Variants in PITPNM1 observed in about 807,000 individuals in gnomAD.
The protein encoded by PITPNM1 is membrane-associated phosphatidylinositol transfer protein 1.
Under a neutral mutation model 133.3 loss-of-function variants are expected in PITPNM1, and 74 were observed. The ratio of observed to expected loss-of-function variants is 0.56; its 90% CI spans 0.46 to 0.67. The LOEUF is 0.67. PITPNM1 is among the 30% of genes least tolerant of loss of function. The pLI is 0.00. For missense variants in PITPNM1, 1,398 were observed against 1,739.5 expected, an observed-to-expected ratio of 0.80 and a Z score of 3.49; for synonymous variants, 738 against 741.4, an observed-to-expected ratio of 1.00 and a Z score of 0.08.
At position 67,505,199 on chromosome 11, in the gene PITPNM1, G is replaced by A. The variant is rs1290696614; in HGVS notation, c.-53C>T. ...ACGCCCCGGCTCACCTCTAGCTTGA[G>A]GCGGGCGCCCCTCACCCAGCCCGGG... is the stretch of plus-strand genomic sequence containing the variant. On this transcript the variant is annotated 5_prime_UTR_variant, in exon 1 of 24. Transcript: ENST00000356404. The surrounding 1 kb of genome is among the most constrained non-coding windows in gnomAD (Gnocchi z 5.8). The A allele has an allele frequency of 6.6e-6, 1 of 152,148 alleles. No homozygotes were observed. Among genetic ancestry groups the A allele is most frequent in the Non-Finnish European group, 1.5e-5 (1 of 68,046 alleles). 9.4% of individuals were successfully genotyped at this position (152,148 alleles called of 1,614,324 possible).
intron 2 of PITPNM1, chr11:67,503,808 G>A (rs962597279): frequency 1.3e-5 from 4 of 313,910 alleles, no homozygotes; most frequent in South Asian, 6.0e-5. Flanking sequence ...TTCCTCTGCC[G>A]CGGAGGCCCC....
intron 14 of PITPNM1, 44 bp downstream of exon 14, chr11:67,497,187 G>C: frequency 2.0e-6 from 3 of 1,493,062 alleles, no homozygotes; most frequent in Non-Finnish European, 2.7e-6. Context: ...GGAAGGAAGG[G>C]GCAGACAGAG....
rs1225698626 is a variant in PITPNM1, at chr11:67,491,900, A to G, written c.*133T>C. ...AAAGGGAAGTAACACCGAGGAGCACACGGAGATATAGGGTGTGGGGCTGGG... is the reference window on the plus strand; with the variant it reads ...AAAGGGAAGTAACACCGAGGAGCACGCGGAGATATAGGGTGTGGGGCTGGG... On this transcript the variant is annotated 3_prime_UTR_variant, in exon 24 of 24. Coordinates refer to ENST00000356404, the MANE Select transcript of PITPNM1 (RefSeq NM_004910.3). 3.1e-6 allele frequency: 3 copies of G among 976,776 alleles called. No homozygotes were observed. Among genetic ancestry groups the G allele is most frequent in the Non-Finnish European group, 4.5e-6 (3 of 669,898 alleles). 60.5% of individuals were successfully genotyped at this position (976,776 alleles called of 1,614,324 possible). A position where few individuals can be genotyped will look rare whatever the true frequency, so the allele number is the denominator to read the frequency against.
At chr11:67,495,357 A>T in intron 16 of PITPNM1, 81 bp downstream of exon 16, 1 of 1,457,180 alleles carries the variant, frequency 6.9e-7, no homozygotes, top group South Asian at 1.4e-5. Context: ...GCTGGGGGAA[A>T]GGGTTTCTCA....
Position 67,497,524 on chromosome 11 carries a change from G to A in PITPNM1, c.1938C>T (p.Asn646=), listed in dbSNP as rs1387173779. The change falls in exon 13 of 24, where the codon AAC becomes AAT. Residue 646 remains asparagine, a splice_region_variant and synonymous_variant. Transcript: ENST00000356404. ...GGGTGATGGGGCAGGGACGTCACCT[G>A]TTCTGAGAGCCCTCGGGCTCAGGAC... ...MASPEPEGSQ[N]SLQAAPATTS... is the part of the protein sequence containing the mutation. The A allele has an allele frequency of 6.2e-7, 1 of 1,607,314 alleles. No homozygotes were observed. The highest frequency in any genetic ancestry group is 1.7e-5 in the Admixed American group (1 of 58,244).
chr11:67,493,844 C>A lies in PITPNM1; in HGVS notation c.3009-7G>T. On this transcript the variant is annotated splice_region_variant and splice_polypyrimidine_tract_variant and intron_variant, in intron 20 of 23. Coordinates refer to ENST00000356404, the MANE Select transcript of PITPNM1 (RefSeq NM_004910.3). ...GGCATAGGTGTGGTCGCCCCTGCGG[C>A]CCACGGGGCGGGGCGTGAGTGGCGC... 6.5e-7 allele frequency: 1 copy of A among 1,537,136 alleles called. No individual in the cohort carries two copies. Among genetic ancestry groups the A allele is most frequent in the Non-Finnish European group, 8.8e-7 (1 of 1,139,622 alleles).
In PITPNM1 at chr11:67,497,677, GT is replaced by G; in HGVS notation, c.1784del (p.Asn595ThrfsTer116). ...SRGSSRRGSMNNELLSPEFGP... is the reference protein window; with the variant it reads ...SRGSSRRGSMXNELLSPEFGP... ...CAAACTCCGGAGAGAGCAGCTCATTGTTCTGGATGGAACAGGAGACAGAAAC... is the reference window on the plus strand; with the variant it reads ...CAAACTCCGGAGAGAGCAGCTCATTGTCTGGATGGAACAGGAGACAGAAAC... On this transcript the variant is annotated frameshift_variant and splice_region_variant, in exon 13 of 24. Coordinates refer to ENST00000356404, the MANE Select transcript of PITPNM1 (RefSeq NM_004910.3). LOFTEE classifies it high-confidence loss of function. 6.2e-7 allele frequency: 1 copy of G among 1,609,988 alleles called. No individual in the cohort carries two copies. Among genetic ancestry groups the G allele is most frequent in the Non-Finnish European group, 8.5e-7 (1 of 1,179,172 alleles).
Position 67,502,057 on chromosome 11 carries a change from C to T in PITPNM1, c.445G>A (p.Ala149Thr). The T allele has an allele frequency of 6.2e-7, 1 of 1,613,114 alleles. No homozygotes were observed. Among genetic ancestry groups the T allele is most frequent in the Non-Finnish European group, 8.5e-7 (1 of 1,179,890 alleles). ...TCTTCTGCTTTGTACTCGCCTGGGG[C>T]CACTGCATCCCGCACGATGTCGATG... ...DTIDIVRDAV[A>T]PGEYKAEEDP... The change falls in exon 5 of 24, where the codon GCC becomes ACC. Residue 149 changes from alanine (A) to threonine (T), a missense_variant. Physicochemically the swap from Ala to Thr is moderately conservative, Grantham distance 58. This residue lies in a region of PITPNM1 where 274 missense variants were observed against 360.7 expected (regional missense o/e 0.76). Transcript: ENST00000356404. This position sits in a 1 kb window ranked among gnomAD's most constrained non-coding sequence, Gnocchi z 5.9.
chr11:67,505,439 C>T (rs1342729530), upstream of PITPNM1: 1 of 152,170 alleles, frequency 6.6e-6, no homozygotes, highest in Non-Finnish European at 1.5e-5. This position sits in a 1 kb window ranked among gnomAD's most constrained non-coding sequence, Gnocchi z 5.8. Context: ...CCCTCCCCAC[C>T]CCGGCGGGGT....
chr11:67,492,921 A>C lies in PITPNM1; in HGVS notation c.3471+13T>G. The C allele has an allele frequency of 6.2e-7, 1 of 1,610,352 alleles. No individual in the cohort carries two copies. Among genetic ancestry groups the C allele is most frequent in the Non-Finnish European group, 8.5e-7 (1 of 1,178,186 alleles). ...TGGTGGGGTCCTGTTCCTGGCCTTC[A>C]CTTGGGCCTCACCTGGCACTGCGCC... On this transcript the variant is annotated intron_variant, in intron 23 of 23. Coordinates refer to ENST00000356404, the MANE Select transcript of PITPNM1 (RefSeq NM_004910.3).
Position 67,502,121 on chromosome 11 carries a change from C to T in PITPNM1, c.416-35G>A. The T allele has an allele frequency of 6.3e-6, 10 of 1,588,304 alleles. No homozygotes were observed. The highest frequency in any genetic ancestry group is 8.6e-6 in the Non-Finnish European group (10 of 1,163,262). ...TTCGGCAAGCATTGAGCAGCGCCAG[C>T]CCCTTTGAGCCCCCGCTCCTGGCAC... On this transcript the variant is annotated intron_variant, in intron 4 of 23. Transcript: ENST00000356404. This position sits in a 1 kb window ranked among gnomAD's most constrained non-coding sequence, Gnocchi z 5.9.
At position 67,504,108 on chromosome 11, in the gene PITPNM1, T is replaced by C. The variant is rs754544016; in HGVS notation, c.73A>G (p.Ile25Val). ...DEYQVAQLYMIQKKSREESSG... is the reference protein window; with the variant it reads ...DEYQVAQLYMVQKKSREESSG... The stretch of plus-strand genomic sequence containing the variant: ...CCTCTCCCCGCCGCCCTCACCTGGA[T>C]CATGTAGAGCTGGGCCACCTGGTAC... Residue 25 changes from isoleucine (I) to valine (V), a missense_variant, in exon 2 of 24, where the codon ATC becomes GTC. Ile to Val is a conservative substitution (Grantham distance 29, BLOSUM62 3). Coordinates refer to ENST00000356404, the MANE Select transcript of PITPNM1 (RefSeq NM_004910.3). The surrounding 1 kb of genome is among the most constrained non-coding windows in gnomAD (Gnocchi z 5.4). 1 of 1,604,428 alleles carries C rather than the reference T, an allele frequency of 6.2e-7. No individual in the cohort carries two copies. The highest frequency in any genetic ancestry group is 1.1e-5 in the South Asian group (1 of 89,214).
rs1007001294 is a variant in PITPNM1, at chr11:67,497,698, A to G, written c.1783-19T>C. 5.0e-6 allele frequency: 8 copies of G among 1,607,260 alleles called. No individual in the cohort carries two copies. The highest frequency in any genetic ancestry group is 6.8e-6 in the Non-Finnish European group (8 of 1,178,456). On this transcript the variant is annotated intron_variant, in intron 12 of 23. Transcript: ENST00000356404. ...CATTGTTCTGGATGGAACAGGAGAC[A>G]GAAACATTCTTAGGCCTGGGGACCA...
At chr11:67,494,704 A>G in intron 18 of PITPNM1, 142 bp downstream of exon 18, 1 of 561,630 alleles carries the variant, frequency 1.8e-6, no homozygotes, top group Non-Finnish European at 3.1e-6. Flanking sequence ...TGGGGCCAGG[A>G]CCCCAGGGGC....
rs531481927 is a variant in PITPNM1, at chr11:67,505,342, C to G, written c.-196G>C. The G allele has an allele frequency of 6.6e-6, 1 of 152,028 alleles. No homozygotes were observed. Among genetic ancestry groups the G allele is most frequent in the Non-Finnish European group, 1.5e-5 (1 of 68,014 alleles). The allele number at this position is 152,028 out of a possible 1,614,324, so 9.4% of individuals were successfully genotyped here. A position where few individuals can be genotyped will look rare whatever the true frequency, so the allele number is the denominator to read the frequency against. ...CGGCCCATGGCCCCGACCTTCCTCT[C>G]GATCCGCCCGCCGGCGCCCCTGCAG... On this transcript the variant is annotated 5_prime_UTR_variant, in exon 1 of 24. Transcript: ENST00000356404. The surrounding 1 kb of genome is among the most constrained non-coding windows in gnomAD (Gnocchi z 5.8).
intron 18 of PITPNM1, 88 bp downstream of exon 18, chr11:67,494,758 G>T: frequency 2.6e-6 from 2 of 775,574 alleles, no homozygotes; most frequent in Non-Finnish European, 4.4e-6. Context: ...GACCCGAGGA[G>T]GGGGGTGCTG....
Position 67,498,343 on chromosome 11 carries a change from C to G in PITPNM1, c.1485-21G>C, listed in dbSNP as rs2298588. 1 of 1,533,478 alleles carries G rather than the reference C, an allele frequency of 6.5e-7. No individual in the cohort carries two copies. The highest frequency in any genetic ancestry group is 8.8e-7 in the Non-Finnish European group (1 of 1,140,496). 95.0% of individuals were successfully genotyped at this position (1,533,478 alleles called of 1,614,324 possible). On this transcript the variant is annotated intron_variant, in intron 10 of 23. Transcript: ENST00000356404. This position sits in a 1 kb window ranked among gnomAD's most constrained non-coding sequence, Gnocchi z 5.7. ...TCAGGCTGTAGGAGGGGGAAATGTG[C>G]GTGGGTGAGGGGCTTCCAGACCCAC...
chr11:67,504,924 C>G lies in PITPNM1; in HGVS notation c.-42+264G>C, dbSNP rs1369814083. 2.6e-5 allele frequency: 4 copies of G among 152,820 alleles called. No individual in the cohort carries two copies. The highest frequency in any genetic ancestry group is 9.6e-5 in the African/African-American group (4 of 41,478). 9.5% of individuals were successfully genotyped at this position (152,820 alleles called of 1,614,324 possible). A position where few individuals can be genotyped will look rare whatever the true frequency, so the allele number is the denominator to read the frequency against. On this transcript the variant is annotated intron_variant, in intron 1 of 23. Transcript: ENST00000356404. This position sits in a 1 kb window ranked among gnomAD's most constrained non-coding sequence, Gnocchi z 5.4. ...GGCTCTCCACGCGCCTAGGCAGCCA[C>G]TCCGTCCTCTTCCCAGGGGGTGAGC...
Position 67,498,648 on chromosome 11 carries a change from G to A in PITPNM1, c.1432C>T (p.Arg478Ter). ...FPEALGHVALRLVPCPPICAA... is the reference protein window; with the variant it reads ...FPEALGHVAL ...CAGATGGGTGGACAGGGCACCAGTC[G>A]CAGCGCCACGTGGCCCAAGGCCTCA... The change falls in exon 10 of 24, where the codon CGA (arginine) becomes TGA (stop). Residue 478 changes from arginine to a stop codon, truncating the protein, a stop_gained. Transcript: ENST00000356404. LOFTEE classifies it high-confidence loss of function. This position sits in a 1 kb window ranked among gnomAD's most constrained non-coding sequence, Gnocchi z 5.7. 2 of 1,599,872 alleles carry A rather than the reference G, an allele frequency of 1.3e-6. No individual in the cohort carries two copies. Among genetic ancestry groups the A allele is most frequent in the South Asian group, 1.1e-5 (1 of 91,054 alleles).
Sources: gnomAD v4.1 joint callset for allele counts on GRCh38, gnomAD v4.1.1 for gene constraint, gnomAD v4.1.1 regional missense constraint, Gnocchi (gnomAD v3.1) non-coding constraint, MANE v1.5 for transcripts, NCBI Gene and HGNC (gene_info 2026-07-23, HGNC 2026-07-21) for gene names.